Variants in NRXN1 observed in about 807,000 individuals in gnomAD.
NRXN1 encodes neurexin 1.
A neutral mutation model predicts 150.9 loss-of-function variants in NRXN1; 39 were observed. The observed-to-expected ratio is 0.26, with a 90% confidence interval of 0.20 to 0.34. The LOEUF (loss-of-function observed/expected upper bound fraction) is 0.34, where lower values mean the gene tolerates loss of function less well. Among genes scored for constraint, NRXN1 ranks in the 10% least tolerant of loss-of-function variants. NRXN1 has a pLI of 1.00. For synonymous variants in NRXN1, 924 were observed against 757.0 expected (o/e 1.22, Z -3.62); for missense variants, 1,815 against 1,949.9 (o/e 0.93, Z 1.30).
chr2:50,735,021 A>T (rs1698552118), intron 5 of NRXN1, among the ~76,000 whole-genome samples: 1 of 152,154 alleles, frequency 6.6e-6, no homozygotes, highest in African/African-American at 2.4e-5. Flanking sequence ...TGTTGAAGGT[A>T]CTCTATCCCT....
chr2:50,702,721 A>T (rs1693920274), intron 5 of NRXN1, among the ~76,000 whole-genome samples: 1 of 152,172 alleles, frequency 6.6e-6, no homozygotes, highest in Non-Finnish European at 1.5e-5. Context: ...CCTCAGATAA[A>T]TTCACTAAAT....
At chr2:50,562,861 C>T (rs755833566) in intron 8 of NRXN1, among the ~76,000 whole-genome samples, 1 of 152,036 alleles carries the variant, frequency 6.6e-6, no homozygotes, top group Non-Finnish European at 1.5e-5. Flanking sequence ...TTCCATGTCA[C>T]CTAACTGTCA....
At chr2:50,560,417 G>GGTGT (rs1668881929) in intron 8 of NRXN1, among the ~76,000 whole-genome samples, 1 of 95,750 alleles carries the variant, frequency 1.0e-5, no homozygotes, top group African/African-American at 5.0e-5. Context: ...AAAGTAGTCT[G>GGTGT]ATGTATGTTT....
chr2:50,912,194 T>C (rs62142971), intron 5 of NRXN1: 9,854 of 151,888 alleles, frequency 0.065, 424 homozygotes, highest in South Asian at 0.12. Flanking sequence ...GACTGGGCAT[T>C]AGATCTTCTG....
rs1679313935 is a variant in NRXN1, at chr2:50,617,926, C to T, written c.1320+2096G>A. On this transcript the variant is annotated intron_variant, in intron 8 of 22. Transcript: ENST00000401669. ...TTATACACACACAGAAAAAAACTGCCTCACTTATGCAGAATTATCAGAAGA... is the reference window on the plus strand; with the variant it reads ...TTATACACACACAGAAAAAAACTGCTTCACTTATGCAGAATTATCAGAAGA... Among the ~76,000 whole-genome samples, 3 of 152,112 alleles carry T rather than the reference C, an allele frequency of 2.0e-5. No individual in the cohort carries two copies. The South Asian group carries it at 6.2e-4, about 31-fold the overall frequency.
At position 50,245,853 on chromosome 2, in the gene NRXN1, G is replaced by A. The variant is rs150226267; in HGVS notation, c.3365-8883C>T. Among the ~76,000 whole-genome samples, 1,185 of 151,500 alleles carry A rather than the reference G, an allele frequency of 7.8e-3. 6 individuals carry two copies. Among genetic ancestry groups the A allele is most frequent in the Non-Finnish European group, 0.012 (802 of 67,804 alleles). On this transcript the variant is annotated intron_variant, in intron 17 of 22. Coordinates refer to ENST00000401669, the MANE Select transcript of NRXN1 (RefSeq NM_001330078.2). Reference sequence around the variant, plus strand: ...ACAAATAACAAAACTGAGGCACAGAGAAACCAAGTGTCTTCTCAATGTCAA... The same window carrying A: ...ACAAATAACAAAACTGAGGCACAGAAAAACCAAGTGTCTTCTCAATGTCAA...
At chr2:50,633,506 G>C (rs1682727791) in intron 5 of NRXN1, among the ~76,000 whole-genome samples, 2 of 150,388 alleles carry the variant, frequency 1.3e-5, no homozygotes. Context: ...AAGGCTTTTT[G>C]GTTTATTTTG....
At position 50,053,431 on chromosome 2, in the gene NRXN1, T is replaced by C; in HGVS notation, c.3968A>G (p.Asn1323Ser). 1 of 1,614,022 alleles carries C rather than the reference T, an allele frequency of 6.2e-7. No individual in the cohort carries two copies. The highest frequency in any genetic ancestry group is 1.1e-5 in the South Asian group (1 of 91,074). The change falls in exon 21 of 23, where the codon AAT (asparagine) becomes AGT (serine). Residue 1323 changes from asparagine (N) to serine (S), a missense_variant. Asn to Ser is a conservative substitution (Grantham distance 46). Around this residue, in one of 6 missense-constraint regions of NRXN1, gnomAD observed 265 missense variants for 307.1 expected, o/e 0.86. Coordinates refer to ENST00000401669, the MANE Select transcript of NRXN1 (RefSeq NM_001330078.2). ...AGGCACTTCACCAACCAGTCTCACA[T>C]TTCCCACTATGGCGATGTTGGCATC... Reference protein sequence around the residue: ...ENDANIAIVGNVRLVGEVPSS... With the variant: ...ENDANIAIVGSVRLVGEVPSS...
intron 17 of NRXN1, among the ~76,000 whole-genome samples, chr2:50,290,809 A>G (rs1261286630): frequency 6.6e-6 from 1 of 152,144 alleles, no homozygotes; most frequent in Admixed American, 6.6e-5. Flanking sequence ...TGGACAAAAC[A>G]TGGGGCCAAG....
intron 2 of NRXN1, among the ~76,000 whole-genome samples, chr2:51,012,032 T>G (rs1055600856): frequency 6.6e-6 from 1 of 152,014 alleles, no homozygotes; most frequent in African/African-American, 2.4e-5. Flanking sequence ...TGTGGCAGCA[T>G]TTATTGCATT....
chr2:50,714,628 G>T (rs1398230069), intron 5 of NRXN1, among the ~76,000 whole-genome samples: 5 of 152,066 alleles, frequency 3.3e-5, no homozygotes, highest in Admixed American at 6.6e-5. Flanking sequence ...GCTCAGAGTT[G>T]GAAACTGAAA....
intron 2 of NRXN1, among the ~76,000 whole-genome samples, chr2:50,939,768 A>G (rs1209573367): frequency 2.6e-5 from 4 of 152,208 alleles, no homozygotes; most frequent in Non-Finnish European, 5.9e-5. Context: ...CAACAGAAAA[A>G]TACAATTTTA....
intron 2 of NRXN1, among the ~76,000 whole-genome samples, chr2:50,939,217 A>G (rs1257387119): frequency 6.7e-6 from 1 of 148,710 alleles, no homozygotes; most frequent in African/African-American, 2.5e-5. Flanking sequence ...TCTCAAAAAA[A>G]AAAAAAAAAA....
intron 5 of NRXN1, among the ~76,000 whole-genome samples, chr2:50,916,427 C>A (rs943137542): frequency 6.6e-6 from 1 of 151,322 alleles, no homozygotes; most frequent in Non-Finnish European, 1.5e-5. Flanking sequence ...CTCTGACCAG[C>A]ACAATTTAGG....
chr2:50,945,733 G>C (rs2104532907), intron 2 of NRXN1, among the ~76,000 whole-genome samples: 1 of 151,374 alleles, frequency 6.6e-6, no homozygotes, highest in South Asian at 2.1e-4. Context: ...ATATAAACCT[G>C]ATGTGAAAAC....
intron 17 of NRXN1, among the ~76,000 whole-genome samples, chr2:50,284,944 A>G (rs555660497): frequency 2.0e-5 from 3 of 152,332 alleles, no homozygotes; most frequent in East Asian, 3.9e-4. Context: ...TCACAAAAAC[A>G]TCACCAAACT....
intron 18 of NRXN1, among the ~76,000 whole-genome samples, chr2:50,205,865 A>G (rs1574486767): frequency 6.6e-6 from 1 of 152,222 alleles, no homozygotes; most frequent in Non-Finnish European, 1.5e-5. Context: ...AAGATCACGT[A>G]TTATATTATT....
chr2:49,945,729 A>G (rs540173896), intron 21 of NRXN1, among the ~76,000 whole-genome samples: 2 of 152,016 alleles, frequency 1.3e-5, no homozygotes, highest in South Asian at 4.1e-4. Flanking sequence ...ATCCTTTTTT[A>G]TGGCTGCATA....
At chr2:50,969,173 AG>A (rs1558508663) in intron 2 of NRXN1, among the ~76,000 whole-genome samples, 3 of 152,272 alleles carry the variant, frequency 2.0e-5, no homozygotes, top group East Asian at 3.9e-4. Context: ...CGCAACTGAA[AG>A]TCAGACATGC....
Sources: allele counts gnomAD v4.1 joint callset (sites outside exome capture counted in the v4.1 genomes callset), GRCh38; gene constraint gnomAD v4.1.1; regional missense constraint gnomAD v4.1.1; transcripts MANE v1.5; gene names NCBI Gene and HGNC (gene_info 2026-07-23, HGNC 2026-07-21).